The following FRYL variants were observed in gnomAD, a reference collection of about 807,000 sequenced individuals.
FRYL encodes protein furry homolog-like.
FRYL carries 150 observed loss-of-function variants against 351.2 expected under a neutral mutation model. The observed-to-expected ratio is 0.43, with a 90% CI of 0.37 to 0.49. The LOEUF (loss-of-function observed/expected upper bound fraction) is 0.49, where lower values mean the gene tolerates loss of function less well. FRYL is among the 20% of genes least tolerant of loss of function. The pLI, the probability that FRYL is intolerant of heterozygous loss-of-function variation, is 0.00. For missense variants in FRYL, 3,036 were observed against 3,619.3 expected (o/e 0.84, Z 4.13); for synonymous variants, 1,153 against 1,257.1 (o/e 0.92, Z 1.75).
chr4:48,715,763 G>GA (rs1242012565), intron 1 of FRYL, among the ~76,000 whole-genome samples: 4 of 151,996 alleles, frequency 2.6e-5, no homozygotes, highest in Non-Finnish European at 5.9e-5. Context: ...CACAGAATTG[G>GA]AAAAAAACTA....
intron 3 of FRYL, among the ~76,000 whole-genome samples, chr4:48,657,353 CTTTTT>C (rs371640944): frequency 1.6e-5 from 2 of 122,382 alleles, no homozygotes; most frequent in African/African-American, 6.1e-5. Context: ...CTTTTCTTTT[CTTTTT>C]TTTTTTTTTT....
chr4:48,703,716 T>A (rs1767009290), intron 2 of FRYL, among the ~76,000 whole-genome samples: 1 of 152,202 alleles, frequency 6.6e-6, no homozygotes, highest in Admixed American at 6.6e-5. Context: ...ACATTCTCTC[T>A]TAGAATTCTT....
chr4:48,563,525 C>T (rs181367428), intron 31 of FRYL, among the ~76,000 whole-genome samples: 1 of 151,932 alleles, frequency 6.6e-6, no homozygotes, highest in Non-Finnish European at 1.5e-5. Context: ...GGGCAACATA[C>T]GTAGTGAGAC....
At chr4:48,660,720 C>A (rs1760525864) in intron 3 of FRYL, among the ~76,000 whole-genome samples, 1 of 152,160 alleles carries the variant, frequency 6.6e-6, no homozygotes, top group African/African-American at 2.4e-5. Context: ...AGTGATAAGT[C>A]ATTTTAATAC....
chr4:48,648,395 G>A (rs559867792), intron 3 of FRYL, among the ~76,000 whole-genome samples: 1 of 152,158 alleles, frequency 6.6e-6, no homozygotes, highest in East Asian at 1.9e-4. Flanking sequence ...CAGCCAAACC[G>A]GCCATTCCCT....
At chr4:48,676,977 A>C (rs1763813636) in intron 3 of FRYL, among the ~76,000 whole-genome samples, 2 of 152,250 alleles carry the variant, frequency 1.3e-5, no homozygotes, top group Admixed American at 1.3e-4. Context: ...ATTCTTGTTA[A>C]GCCCACAACT....
chr4:48,666,656 G>A (rs909013497), intron 3 of FRYL, among the ~76,000 whole-genome samples: 44 of 152,140 alleles, frequency 2.9e-4, no homozygotes, highest in African/African-American at 9.4e-4. Context: ...TCTTAAGCAC[G>A]TCCAACTTTA....
intron 7 of FRYL, among the ~76,000 whole-genome samples, chr4:48,610,796 AATATGTAT>A (rs955515979): frequency 5.7e-4 from 84 of 147,332 alleles, no homozygotes; most frequent in East Asian, 1.8e-3. Context: ...TATATATTGA[AATATGTAT>A]ATATGTATAT....
At chr4:48,683,972 C>T (rs35726605) in intron 3 of FRYL, among the ~76,000 whole-genome samples, 1,964 of 152,284 alleles carry the variant, frequency 0.013, 14 homozygotes, top group Non-Finnish European at 0.02. Flanking sequence ...AGCCCAGAAA[C>T]ACAGTGGTAC....
In FRYL at chr4:48,706,229, C is replaced by T. The variant is rs114706034; in HGVS notation, c.-204+4290G>A. On this transcript the variant is annotated intron_variant, in intron 2 of 63. Coordinates refer to ENST00000358350, the MANE Select transcript of FRYL (RefSeq NM_015030.2). ...TCCTAGCATCATTATTCACAACAGC[C>T]AAAATGTGCAAAGAACTCAAATATC... Among the ~76,000 whole-genome samples, 457 of 152,182 alleles carry T rather than the reference C, an allele frequency of 3.0e-3. 5 individuals carry two copies. Among genetic ancestry groups the T allele is most frequent in the African/African-American group, 0.011 (449 of 41,526 alleles).
chr4:48,605,817 A>C lies in FRYL; in HGVS notation c.758T>G (p.Phe253Cys), dbSNP rs758931931. ...TATATCTTTATCTTTCACTTCTAAG[A>C]AATACTGAGCACATTCCTTAAAGGG... The part of the protein sequence containing the change: ...FQFMQECAQY[F>C]LEVKDKDIKH... The change falls in exon 11 of 64, where the codon TTC becomes TGC. Residue 253 changes from phenylalanine (F) to cysteine (C), a missense_variant. Physicochemically the swap from Phe to Cys is radical, Grantham distance 205. Coordinates refer to ENST00000358350, the MANE Select transcript of FRYL (RefSeq NM_015030.2). 8 of 1,596,246 alleles carry C rather than the reference A, an allele frequency of 5.0e-6. No individual in the cohort carries two copies. Among genetic ancestry groups the C allele is most frequent in the Middle Eastern group, 3.3e-4 (2 of 6,026 alleles).
At chr4:48,604,528 T>C (rs1182382374) in intron 11 of FRYL, among the ~76,000 whole-genome samples, 1 of 152,096 alleles carries the variant, frequency 6.6e-6, no homozygotes, top group Non-Finnish European at 1.5e-5. Context: ...GAGAATGCCA[T>C]GTGACAATGA....
chr4:48,609,245 C>CAA (rs1747531506), intron 8 of FRYL, among the ~76,000 whole-genome samples, 178 bp from the exon 9 acceptor site: 2 of 151,940 alleles, frequency 1.3e-5, no homozygotes, highest in South Asian at 4.2e-4. Flanking sequence ...TATATTTAAC[C>CAA]TTCTGGTTCT....
intron 32 of FRYL, 41 bp from the exon 33 acceptor site, chr4:48,561,677 T>G: frequency 8.8e-6 from 13 of 1,483,488 alleles, no homozygotes; most frequent in Non-Finnish European, 1.2e-5. Flanking sequence ...TAAGATTTTA[T>G]GGGTTCTCTA....
At chr4:48,754,977 C>G (rs928467426) in intron 1 of FRYL, among the ~76,000 whole-genome samples, 4 of 152,160 alleles carry the variant, frequency 2.6e-5, no homozygotes, top group African/African-American at 9.7e-5. Context: ...TGGAACTGAA[C>G]ACAATACCCT....
chr4:48,780,138 GC>G lies in FRYL; in HGVS notation c.-445del. 1.3e-5 allele frequency: 2 copies of G among 155,220 alleles called. No individual in the cohort carries two copies. The highest frequency in any genetic ancestry group is 2.9e-5 in the Non-Finnish European group (2 of 70,172). The allele number at this position is 155,220 out of a possible 1,614,324, so 9.6% of individuals were successfully genotyped here. On this transcript the variant is annotated 5_prime_UTR_variant, in exon 1 of 64. Coordinates refer to ENST00000358350, the MANE Select transcript of FRYL (RefSeq NM_015030.2). ...CAGCGCCGCCGGTCCCCGCCCTCGGGCCCCTGGCTCCGTTCTCTTGACAATG... is the reference window on the plus strand; with the variant it reads ...CAGCGCCGCCGGTCCCCGCCCTCGGGCCCTGGCTCCGTTCTCTTGACAATG...
intron 1 of FRYL, among the ~76,000 whole-genome samples, chr4:48,711,706 A>G (rs1578797161): frequency 6.6e-6 from 1 of 152,232 alleles, no homozygotes; most frequent in African/African-American, 2.4e-5. Flanking sequence ...AGCTTTGAAG[A>G]GAGCAGTGGT....
intron 1 of FRYL, among the ~76,000 whole-genome samples, chr4:48,717,237 C>A (rs1186673282): frequency 6.6e-6 from 1 of 150,836 alleles, no homozygotes; most frequent in Non-Finnish European, 1.5e-5. Context: ...CTAACCTGCA[C>A]ATTGTGCACA....
At chr4:48,756,240 A>G (rs1015145054) in intron 1 of FRYL, among the ~76,000 whole-genome samples, 2 of 152,044 alleles carry the variant, frequency 1.3e-5, no homozygotes, top group Admixed American at 1.3e-4. Context: ...CTCAAAAAAA[A>G]AAAAAAAAGG....
Sources: gnomAD v4.1 joint callset for allele counts (sites outside exome capture counted in the v4.1 genomes callset) on GRCh38, gnomAD v4.1.1 for gene constraint, MANE v1.5 for transcripts, NCBI Gene and HGNC (gene_info 2026-07-23, HGNC 2026-07-21) for gene names.